Variants in C12orf56 observed in about 807,000 individuals in gnomAD.
The protein encoded by C12orf56 is chromosome 12 open reading frame 56.
Under a neutral mutation model 69.9 loss-of-function variants are expected in C12orf56, and 71 were observed. The observed-to-expected ratio is 1.02, with a 90% CI of 0.84 to 1.24. C12orf56 has a LOEUF of 1.24. C12orf56 is among the 50% of genes most tolerant of loss of function. The pLI is 0.00. For missense variants in C12orf56, 732 were observed against 738.5 expected, an observed-to-expected ratio of 0.99 and a Z score of 0.10; for synonymous variants, 276 against 274.1, an observed-to-expected ratio of 1.01 and a Z score of -0.07.
intron 5 of C12orf56, among the ~76,000 whole-genome samples, chr12:64,308,974 A>AGAAAG (rs1405198001): frequency 1.9e-4 from 23 of 123,704 alleles, no homozygotes; most frequent in African/African-American, 6.4e-4. Context: ...AAAGAAAGAA[A>AGAAAG]AGAAAGAAAG....
In C12orf56 at chr12:64,289,391, AT is replaced by A. The variant is rs1195636902; in HGVS notation, c.1114-3332del. Among the ~76,000 whole-genome samples, 20 of 106,776 alleles carry A rather than the reference AT, an allele frequency of 1.9e-4. 1 individual carries two copies. Among genetic ancestry groups the A allele is most frequent in the Admixed American group, 2.1e-4 (2 of 9,354 alleles). 70.0% of individuals were successfully genotyped at this position (106,776 alleles called of 152,430 possible). A position where few individuals can be genotyped will look rare whatever the true frequency, so the allele number is the denominator to read the frequency against. ...GCCAGAACTTCCAACACTATGTTGA[AT>A]AGGAGTGGTGAGAGAGGGCATCCCT... On this transcript the variant is annotated intron_variant, in intron 6 of 12. Coordinates refer to ENST00000543942, the MANE Select transcript of C12orf56 (RefSeq NM_001170633.2).
intron 4 of C12orf56, 50 bp from the exon 5 acceptor site, chr12:64,312,802 C>G: frequency 7.8e-7 from 1 of 1,285,980 alleles, no homozygotes; most frequent in South Asian, 1.3e-5. Context: ...TACTGAAGAT[C>G]AATTCCCCCT....
chr12:64,334,108 C>T (rs11175343), intron 2 of C12orf56, among the ~76,000 whole-genome samples: 2,175 of 152,254 alleles, frequency 0.014, 22 homozygotes, highest in Non-Finnish European at 0.021. Flanking sequence ...CTTGGTAGTA[C>T]GGGCCAGCTG....
intron 2 of C12orf56, chr12:64,338,832 G>T: frequency 3.2e-6 from 3 of 925,424 alleles, no homozygotes; most frequent in Non-Finnish European, 5.2e-6. Flanking sequence ...GCAGGCTCGA[G>T]TTTAGGTTTG....
At chr12:64,267,457 G>GA in intron 12 of C12orf56, 169 bp from the exon 13 acceptor site, 3 of 610,764 alleles carry the variant, frequency 4.9e-6, no homozygotes, top group Non-Finnish European at 8.6e-6. Flanking sequence ...TTGTGACCTA[G>GA]AAAATCTCTG....
rs920299427 is a variant in C12orf56, at chr12:64,338,328, C to T, written c.416-7296G>A. 4 of 567,306 alleles carry T rather than the reference C, an allele frequency of 7.1e-6. No individual in the cohort carries two copies. In the African/African-American group the frequency reaches 7.6e-5, roughly 11 times the overall value. The allele number at this position is 567,306 out of a possible 1,614,324, so 35.1% of individuals were successfully genotyped here. ...ATCTCAACTCCACCAGCTATGTCCT[C>T]TGGCAGGTAGACATAGCTGGTGGAG... is the stretch of plus-strand genomic sequence containing the variant. On this transcript the variant is annotated intron_variant, in intron 2 of 12. Coordinates refer to ENST00000543942, the MANE Select transcript of C12orf56 (RefSeq NM_001170633.2).
chr12:64,386,998 G>T, intron 1 of C12orf56, among the ~76,000 whole-genome samples: 1 of 140,292 alleles, frequency 7.1e-6, no homozygotes. Flanking sequence ...AGAATTGCTT[G>T]AACCCAGGAG....
At chr12:64,328,727 A>AG (rs1256276474) in intron 3 of C12orf56, among the ~76,000 whole-genome samples, 2 of 95,314 alleles carry the variant, frequency 2.1e-5, no homozygotes, top group Non-Finnish European at 4.1e-5. Flanking sequence ...ATATATATAT[A>AG]TATATATATA....
At chr12:64,374,021 C>T (rs2039607577) in intron 1 of C12orf56, among the ~76,000 whole-genome samples, 1 of 152,176 alleles carries the variant, frequency 6.6e-6, no homozygotes. Flanking sequence ...TTGCCATCTC[C>T]ACCAGGTGGT....
At position 64,265,989 on chromosome 12, in the gene C12orf56, C is replaced by CA. The variant is rs1422802481; in HGVS notation, c.*1193dup. Reference sequence around the variant, plus strand: ...ACAGATGCCTGAAACAGAGTGGCACCATGCACTTAATTTTGTTGAAGTCCA... The same window carrying CA: ...ACAGATGCCTGAAACAGAGTGGCACCAATGCACTTAATTTTGTTGAAGTCCA... On this transcript the variant is annotated 3_prime_UTR_variant, in exon 13 of 13. Transcript: ENST00000543942. 1 of 152,180 alleles carries CA rather than the reference C, an allele frequency of 6.6e-6. No homozygotes were observed. Among genetic ancestry groups the CA allele is most frequent in the Non-Finnish European group, 1.5e-5 (1 of 68,024 alleles). The allele number at this position is 152,180 out of a possible 1,614,324, so 9.4% of individuals were successfully genotyped here. A position where few individuals can be genotyped will look rare whatever the true frequency, so the allele number is the denominator to read the frequency against.
chr12:64,298,695 G>T (rs1407370153), intron 6 of C12orf56, among the ~76,000 whole-genome samples: 1 of 152,154 alleles, frequency 6.6e-6, no homozygotes, highest in African/African-American at 2.4e-5. Context: ...GGTTGTAGAT[G>T]TGTGGTGTTA....
intron 2 of C12orf56, among the ~76,000 whole-genome samples, chr12:64,351,158 G>A (rs896524502): frequency 6.6e-6 from 1 of 152,136 alleles, no homozygotes; most frequent in African/African-American, 2.4e-5. Context: ...AAGGCCAAGG[G>A]AGTTAACCAA....
At chr12:64,382,624 C>A (rs2039734295) in intron 1 of C12orf56, among the ~76,000 whole-genome samples, 1 of 152,036 alleles carries the variant, frequency 6.6e-6, no homozygotes, top group African/African-American at 2.4e-5. Context: ...CCTGTAATCC[C>A]AGCACTTCAG....
chr12:64,317,260 G>C (rs1007756131), intron 4 of C12orf56, among the ~76,000 whole-genome samples: 1 of 151,966 alleles, frequency 6.6e-6, no homozygotes, highest in Non-Finnish European at 1.5e-5. Context: ...TGGCTTCCTA[G>C]TTTCTTCTAT....
At chr12:64,362,511 G>A (rs540905051) in intron 1 of C12orf56, among the ~76,000 whole-genome samples, 1 of 152,202 alleles carries the variant, frequency 6.6e-6, no homozygotes, top group East Asian at 1.9e-4. Flanking sequence ...GGCCAATATG[G>A]TGAAACCCCA....
At chr12:64,316,963 C>T (rs1241971356) in intron 4 of C12orf56, among the ~76,000 whole-genome samples, 1 of 152,256 alleles carries the variant, frequency 6.6e-6, no homozygotes, top group East Asian at 1.9e-4. Flanking sequence ...TTGCTAAAAC[C>T]TGAAGCTGGG....
chr12:64,352,092 TGTTTTTGTTTTTTTTTTTTTTTTG>T (rs2039231371), intron 2 of C12orf56, among the ~76,000 whole-genome samples: 6 of 109,620 alleles, frequency 5.5e-5, no homozygotes, highest in African/African-American at 2.0e-4. Flanking sequence ...TTTTTGTTTT[TGTTTTTGTTTTTTTTTTTTTTTTG>T]TTTTTTTTTT....
chr12:64,303,921 C>T (rs1250994384), intron 5 of C12orf56, 142 bp from the exon 6 acceptor site: 4 of 987,720 alleles, frequency 4.0e-6, no homozygotes, highest in Middle Eastern at 3.3e-4. Flanking sequence ...CCTTAATACT[C>T]ACCAGTAGTG....
intron 1 of C12orf56, among the ~76,000 whole-genome samples, chr12:64,359,602 C>T (rs187030176): frequency 5.2e-4 from 79 of 152,202 alleles, no homozygotes; most frequent in African/African-American, 1.7e-3. Context: ...CACATCTGTG[C>T]GGGGGTAAAG....
Sources: gnomAD v4.1 joint callset for allele counts (sites outside exome capture counted in the v4.1 genomes callset) on GRCh38, gnomAD v4.1.1 for gene constraint, MANE v1.5 for transcripts, NCBI Gene and HGNC (gene_info 2026-07-23, HGNC 2026-07-21) for gene names.